LTBP1: variants seen among roughly 807,000 people sequenced by gnomAD.
The protein encoded by LTBP1 is latent transforming growth factor beta binding protein 1.
LTBP1 carries 129 observed loss-of-function variants against 207.6 expected under a neutral mutation model. The observed-to-expected ratio is 0.62, with a 90% CI of 0.54 to 0.72. LTBP1 has a LOEUF of 0.72. Among genes scored for constraint, LTBP1 ranks in the 30% least tolerant of loss-of-function variants. The pLI, the probability that LTBP1 is intolerant of heterozygous loss-of-function variation, is 0.00. For synonymous variants in LTBP1, 963 were observed against 833.7 expected (o/e 1.16, Z -2.67); for missense variants, 2,281 against 2,217.2 (o/e 1.03, Z -0.58).
At chr2:33,047,718 T>TA (rs1308785818) in intron 3 of LTBP1, among the ~76,000 whole-genome samples, 1 of 152,194 alleles carries the variant, frequency 6.6e-6, no homozygotes, top group African/African-American at 2.4e-5. Flanking sequence ...AGTGGGGTGT[T>TA]AAAGTCTCCC....
intron 24 of LTBP1, among the ~76,000 whole-genome samples, chr2:33,326,738 C>T (rs539651969): frequency 1.3e-5 from 2 of 151,502 alleles, no homozygotes; most frequent in Non-Finnish European, 2.9e-5. Context: ...AGGTCATTGC[C>T]GCCTCCGCCT....
intron 5 of LTBP1, among the ~76,000 whole-genome samples, chr2:33,174,446 C>A (rs1214768258): frequency 1.3e-5 from 2 of 152,116 alleles, no homozygotes; most frequent in African/African-American, 4.8e-5. Flanking sequence ...ATCCAACTTA[C>A]AAGGGATGTG....
chr2:33,244,861 T>C (rs1337810413), intron 10 of LTBP1, among the ~76,000 whole-genome samples: 1 of 33,024 alleles, frequency 3.0e-5, no homozygotes, highest in African/African-American at 1.2e-4. Context: ...TTTTTGTTTT[T>C]ATCTATCTAT....
intron 2 of LTBP1, among the ~76,000 whole-genome samples, chr2:32,981,171 C>T (rs1682707590): frequency 6.6e-6 from 1 of 152,152 alleles, no homozygotes; most frequent in Admixed American, 6.5e-5. Context: ...CTTTCTACCC[C>T]AGTCTCTCTC....
chr2:33,342,782 T>C (rs1337135116), intron 24 of LTBP1, 56 bp from the exon 25 acceptor site: 17 of 1,588,894 alleles, frequency 1.1e-5, no homozygotes, highest in Admixed American at 5.0e-5. Context: ...CATTAATATC[T>C]GGTGTTTGTC....
chr2:33,041,353 C>T (rs1295910028), intron 3 of LTBP1, among the ~76,000 whole-genome samples: 1 of 151,952 alleles, frequency 6.6e-6, no homozygotes, highest in African/African-American at 2.4e-5. Flanking sequence ...GGCATGATCT[C>T]GGCTCACTGC....
At chr2:33,140,111 T>G (rs2082515958) in intron 5 of LTBP1, among the ~76,000 whole-genome samples, 1 of 152,280 alleles carries the variant, frequency 6.6e-6, no homozygotes, top group East Asian at 1.9e-4. Flanking sequence ...TGTCTGATGC[T>G]CTGCACTGAA....
intron 7 of LTBP1, among the ~76,000 whole-genome samples, chr2:33,208,306 C>T (rs1469892338): frequency 6.6e-6 from 1 of 152,208 alleles, no homozygotes; most frequent in Non-Finnish European, 1.5e-5. Flanking sequence ...CACCCAAGAT[C>T]TGCATTTCCA....
Position 33,347,391 on chromosome 2 carries a change from G to A in LTBP1, c.3881G>A (p.Ser1294Asn), listed in dbSNP as rs1246904012. The part of the protein sequence containing the change: ...CVDVNECELL[S>N]GVCGEAFCEN... The stretch of plus-strand genomic sequence containing the variant: ...GATGTGAATGAATGTGAACTGCTCA[G>A]TGGGGTGTGTGGTGAAGCCTTCTGT... The change falls in exon 26 of 34, where the codon AGT becomes AAT. Residue 1294 changes from serine to asparagine, a missense_variant. Transcript: ENST00000404816. The A allele has an allele frequency of 6.2e-7, 1 of 1,614,190 alleles. No individual in the cohort carries two copies. The highest frequency in any genetic ancestry group is 8.5e-7 in the Non-Finnish European group (1 of 1,180,042).
intron 8 of LTBP1, among the ~76,000 whole-genome samples, chr2:33,221,074 C>G (rs1475993049): frequency 2.0e-5 from 3 of 152,066 alleles, no homozygotes; most frequent in Non-Finnish European, 4.4e-5. Context: ...GTGGTTTAAT[C>G]TTTCATCCCA....
At chr2:33,338,646 G>C (rs1375171868) in intron 24 of LTBP1, among the ~76,000 whole-genome samples, 1 of 152,138 alleles carries the variant, frequency 6.6e-6, no homozygotes, top group Non-Finnish European at 1.5e-5. Context: ...TGCAGAGGAG[G>C]TGTCTCTTGG....
intron 6 of LTBP1, among the ~76,000 whole-genome samples, 192 bp downstream of exon 6, chr2:33,187,272 A>G (rs1403061893): frequency 6.6e-6 from 1 of 152,186 alleles, no homozygotes. Flanking sequence ...TAGGCCATAG[A>G]GAGTTAGTGT....
At chr2:33,137,142 A>G (rs1306134563) in intron 5 of LTBP1, among the ~76,000 whole-genome samples, 1 of 152,236 alleles carries the variant, frequency 6.6e-6, no homozygotes, top group Non-Finnish European at 1.5e-5. Context: ...CTTTGAAAAT[A>G]CAGAAAAATT....
intron 4 of LTBP1, among the ~76,000 whole-genome samples, chr2:33,120,319 C>G (rs2081031645): frequency 6.6e-6 from 1 of 152,132 alleles, no homozygotes; most frequent in Non-Finnish European, 1.5e-5. Context: ...GTTATCTTTT[C>G]TGCCCTTCTC....
At chr2:33,393,234 C>CTTTTTTTTTTTTTT (rs569734292) in intron 32 of LTBP1, among the ~76,000 whole-genome samples, 1 of 48,746 alleles carries the variant, frequency 2.1e-5, no homozygotes, top group Non-Finnish European at 3.8e-5. Flanking sequence ...CCTTCTTCTT[C>CTTTTTTTTTTTTTT]TTTTTTTTTT....
chr2:33,134,706 T>C lies in LTBP1; in HGVS notation c.1034-87T>C, dbSNP rs2082012003. On this transcript the variant is annotated intron_variant, in intron 4 of 33. Coordinates refer to ENST00000404816, the MANE Select transcript of LTBP1 (RefSeq NM_206943.4). The surrounding 1 kb of genome is among the most constrained non-coding windows in gnomAD (Gnocchi z 4.4). Reference sequence around the variant, plus strand: ...CCTCTTGCTCCTTTCTTTTCTTTTTTTCTGTTTTTTTAAACCTTCCAAGGC... The same window carrying C: ...CCTCTTGCTCCTTTCTTTTCTTTTTCTCTGTTTTTTTAAACCTTCCAAGGC... 2.5e-6 allele frequency: 4 copies of C among 1,607,700 alleles called. No individual in the cohort carries two copies. In the African/African-American group the frequency reaches 4.0e-5, roughly 16 times the overall value.
chr2:33,178,139 C>G (rs1179285673), intron 5 of LTBP1, among the ~76,000 whole-genome samples: 1 of 152,120 alleles, frequency 6.6e-6, no homozygotes, highest in African/African-American at 2.4e-5. Context: ...AGATTGTTGC[C>G]GAAGGAGGCC....
intron 5 of LTBP1, among the ~76,000 whole-genome samples, chr2:33,182,687 G>GAGATATATATATATAAATATATAA (rs1469125010): frequency 1.5e-5 from 1 of 67,008 alleles, no homozygotes; most frequent in Non-Finnish European, 3.2e-5. Context: ...AAAAGATGGT[G>GAGATATATATATATAAATATATAA]ATATATATAT....
chr2:33,110,650 C>T lies in LTBP1; in HGVS notation c.932C>T (p.Pro311Leu), dbSNP rs747444314. Residue 311 changes from proline (P) to leucine (L), a missense_variant, in exon 4 of 34, where the codon CCC (proline) becomes CTC (leucine). Coordinates refer to ENST00000404816, the MANE Select transcript of LTBP1 (RefSeq NM_206943.4). ...HGQTQEYVLKPKYFPAQKGIS... is the reference protein window; with the variant it reads ...HGQTQEYVLKLKYFPAQKGIS... ...CAGACCCAGGAATACGTGCTCAAGCCCAAGTACTTTCCAGCCCAGAAGGGG... is the reference window on the plus strand; with the variant it reads ...CAGACCCAGGAATACGTGCTCAAGCTCAAGTACTTTCCAGCCCAGAAGGGG... 1.2e-6 allele frequency: 2 copies of T among 1,614,060 alleles called. No individual in the cohort carries two copies. The highest frequency in any genetic ancestry group is 1.3e-5 in the African/African-American group (1 of 74,924).
Sources: gnomAD v4.1 joint callset for allele counts (sites outside exome capture counted in the v4.1 genomes callset) on GRCh38, gnomAD v4.1.1 for gene constraint, Gnocchi (gnomAD v3.1) non-coding constraint, MANE v1.5 for transcripts, NCBI Gene and HGNC (gene_info 2026-07-23, HGNC 2026-07-21) for gene names.